The following SLC35F4 variants were observed in gnomAD, a reference collection of about 807,000 sequenced individuals.
SLC35F4 encodes solute carrier family 35 member F4, also known as chromosome 14 open reading frame 36.
Under a neutral mutation model 44.2 loss-of-function variants are expected in SLC35F4, and 24 were observed. The observed-to-expected ratio is 0.54, with a 90% confidence interval of 0.39 to 0.76. The LOEUF is 0.76. Among genes scored for constraint, SLC35F4 ranks in the 30% least tolerant of loss-of-function variants. The probability of loss-of-function intolerance (pLI) is 0.00; values close to 1 mark genes in which losing one functional copy is unlikely to be tolerated. For missense variants in SLC35F4, 562 were observed against 586.1 expected (o/e 0.96, Z 0.42); for synonymous variants, 238 against 223.6 (o/e 1.06, Z -0.57).
intron 1 of SLC35F4, among the ~76,000 whole-genome samples, chr14:57,651,396 G>A (rs2140201774): frequency 6.6e-6 from 1 of 152,222 alleles, no homozygotes; most frequent in South Asian, 2.1e-4. Flanking sequence ...GGTGGTGGGG[G>A]TAGACTGCCT....
chr14:57,821,344 AAAT>A (rs1244009182), intron 1 of SLC35F4, among the ~76,000 whole-genome samples: 58 of 152,242 alleles, frequency 3.8e-4, no homozygotes, highest in African/African-American at 1.4e-3. Flanking sequence ...CTCTTTTGGC[AAAT>A]AATGATTACA....
intron 1 of SLC35F4, among the ~76,000 whole-genome samples, chr14:57,911,611 C>G (rs949992202): frequency 6.6e-6 from 1 of 151,928 alleles, no homozygotes; most frequent in East Asian, 1.9e-4. Context: ...AATATTGGAC[C>G]ATCCTTGCAA....
chr14:57,903,800 G>A (rs189951573), intron 1 of SLC35F4, among the ~76,000 whole-genome samples: 1 of 152,324 alleles, frequency 6.6e-6, no homozygotes, highest in Admixed American at 6.5e-5. Context: ...AAGCTTATCA[G>A]TGAGATTGGA....
intron 1 of SLC35F4, among the ~76,000 whole-genome samples, chr14:57,850,002 A>G (rs1169678371): frequency 6.6e-6 from 1 of 152,178 alleles, no homozygotes; most frequent in Admixed American, 6.5e-5. Context: ...AAATAAAACT[A>G]TCTCCCCAAA....
intron 1 of SLC35F4, among the ~76,000 whole-genome samples, chr14:57,849,522 A>G (rs1047540902): frequency 1.3e-5 from 2 of 152,238 alleles, no homozygotes; most frequent in African/African-American, 4.8e-5. Flanking sequence ...TCAGGGGAAG[A>G]AAACTTTGTA....
chr14:57,862,680 T>C (rs1034675147), intron 1 of SLC35F4, among the ~76,000 whole-genome samples: 11 of 152,240 alleles, frequency 7.2e-5, no homozygotes, highest in Admixed American at 2.6e-4. Context: ...CCTCATATCC[T>C]TCAGGTCTTT....
chr14:57,944,327 G>A (rs557031669), intron 1 of SLC35F4, among the ~76,000 whole-genome samples: 16 of 152,172 alleles, frequency 1.1e-4, no homozygotes, highest in Non-Finnish European at 2.2e-4. Flanking sequence ...GTGTTAACCC[G>A]ATAACTCCTC....
chr14:57,773,231 C>T (rs2077410742), intron 1 of SLC35F4, among the ~76,000 whole-genome samples: 1 of 152,098 alleles, frequency 6.6e-6, no homozygotes, highest in Admixed American at 6.6e-5. Context: ...TGATTCTGGA[C>T]ATTAGTCCTT....
intron 1 of SLC35F4, among the ~76,000 whole-genome samples, chr14:57,710,811 C>T (rs1270030051): frequency 6.6e-6 from 1 of 152,040 alleles, no homozygotes; most frequent in Admixed American, 6.5e-5. Context: ...GATATTTAAC[C>T]AATTCCTGTA....
intron 1 of SLC35F4, among the ~76,000 whole-genome samples, chr14:57,773,913 C>A (rs766031190): frequency 6.6e-6 from 1 of 152,164 alleles, no homozygotes; most frequent in East Asian, 1.9e-4. Context: ...ATCTCCCAGA[C>A]CTTGCCTTCC....
intron 1 of SLC35F4, among the ~76,000 whole-genome samples, chr14:57,911,905 G>T (rs1889222552): frequency 6.6e-6 from 1 of 151,798 alleles, no homozygotes; most frequent in Admixed American, 6.6e-5. Context: ...ACACATCTGG[G>T]CCTAATGCTT....
At chr14:57,643,506 C>A (rs1227551953) in intron 1 of SLC35F4, among the ~76,000 whole-genome samples, 4 of 152,074 alleles carry the variant, frequency 2.6e-5, no homozygotes, top group Non-Finnish European at 5.9e-5. Flanking sequence ...TTACAGGTAG[C>A]AAAACGGGCT....
chr14:57,898,946 TTTGCTCCTATC>T (rs1293893090), intron 1 of SLC35F4, among the ~76,000 whole-genome samples: 1 of 152,068 alleles, frequency 6.6e-6, no homozygotes, highest in East Asian at 1.9e-4. Flanking sequence ...CAGAGTGAAT[TTTGCTCCTATC>T]TTGCTCCTAG....
chr14:57,571,017 A>G (rs966803249), intron 5 of SLC35F4, among the ~76,000 whole-genome samples: 2 of 152,162 alleles, frequency 1.3e-5, no homozygotes, highest in African/African-American at 4.8e-5. Flanking sequence ...AAATGTCAAT[A>G]TGGAAATAGA....
intron 1 of SLC35F4, among the ~76,000 whole-genome samples, chr14:57,813,655 A>G (rs1005235994): frequency 7.2e-5 from 11 of 152,228 alleles, no homozygotes; most frequent in Non-Finnish European, 2.9e-5. Context: ...TATAAGTATA[A>G]AAAGCATTAA....
At chr14:57,841,822 C>T (rs1411892496) in intron 1 of SLC35F4, among the ~76,000 whole-genome samples, 1 of 150,798 alleles carries the variant, frequency 6.6e-6, no homozygotes, top group South Asian at 2.1e-4. Context: ...ATGACTCTAC[C>T]CAAACAAAAA....
At chr14:57,579,590 TCTC>T (rs1478560804) in intron 4 of SLC35F4, 1 of 152,180 alleles carries the variant, frequency 6.6e-6, no homozygotes, top group Non-Finnish European at 1.5e-5. Flanking sequence ...AAATCTCTCT[TCTC>T]CCCTCTTCTG....
At chr14:57,747,210 A>G (rs977148583) in intron 1 of SLC35F4, among the ~76,000 whole-genome samples, 2 of 152,208 alleles carry the variant, frequency 1.3e-5, no homozygotes, top group African/African-American at 4.8e-5. Flanking sequence ...GCAAATAAAA[A>G]GACTCGAGTC....
chr14:57,902,650 A>C (rs752968799), intron 1 of SLC35F4, among the ~76,000 whole-genome samples: 20 of 152,340 alleles, frequency 1.3e-4, no homozygotes, highest in Admixed American at 3.3e-4. Flanking sequence ...TGAAGAAAAA[A>C]ATCATGTGTA....
Sources: allele counts gnomAD v4.1 joint callset (sites outside exome capture counted in the v4.1 genomes callset), GRCh38; gene constraint gnomAD v4.1.1; transcripts MANE v1.5; gene names NCBI Gene and HGNC (gene_info 2026-07-23, HGNC 2026-07-21).